Variants in XYLT1 observed in about 807,000 individuals in gnomAD.
XYLT1 encodes the protein beta-D-xylosyltransferase 1.
A neutral mutation model predicts 91.3 loss-of-function variants in XYLT1; 36 were observed. The observed-to-expected ratio is 0.39, with a 90% confidence interval of 0.30 to 0.52. XYLT1 has a LOEUF of 0.52. Among genes scored for constraint, XYLT1 ranks in the 20% least tolerant of loss-of-function variants. The probability of loss-of-function intolerance (pLI) is 0.68; values close to 1 mark genes in which losing one functional copy is unlikely to be tolerated. For synonymous variants in XYLT1, 588 were observed against 532.0 expected, an observed-to-expected ratio of 1.11 and a Z score of -1.45; for missense variants, 1,242 against 1,284.5, an observed-to-expected ratio of 0.97 and a Z score of 0.51.
At chr16:17,271,607 G>A (rs2033896000) in intron 2 of XYLT1, among the ~76,000 whole-genome samples, 1 of 152,182 alleles carries the variant, frequency 6.6e-6, no homozygotes, top group African/African-American at 2.4e-5. Flanking sequence ...TGTTTTAGGG[G>A]CTATCTTGTA....
chr16:17,309,575 G>A (rs558544559), intron 2 of XYLT1, among the ~76,000 whole-genome samples: 150 of 152,294 alleles, frequency 9.8e-4, no homozygotes, highest in Admixed American at 5.3e-3. Context: ...TGTTCCTAGA[G>A]TGTACTGTCT....
chr16:17,433,480 A>G (rs10400974), intron 1 of XYLT1, among the ~76,000 whole-genome samples: 10,328 of 152,292 alleles, frequency 0.068, 511 homozygotes, highest in African/African-American at 0.14. Context: ...AATGATCCAC[A>G]GTGTCTGCAG....
chr16:17,145,318 G>A (rs1038185563), intron 6 of XYLT1, among the ~76,000 whole-genome samples: 6 of 152,158 alleles, frequency 3.9e-5, no homozygotes, highest in African/African-American at 1.4e-4. Flanking sequence ...CCTCACCCTA[G>A]CACCAGGGGG....
intron 2 of XYLT1, among the ~76,000 whole-genome samples, chr16:17,353,200 C>T (rs1481814527): frequency 2.6e-5 from 4 of 152,198 alleles, no homozygotes; most frequent in African/African-American, 9.7e-5. Context: ...TAAACGAAGA[C>T]CTGCTTCCCT....
chr16:17,386,696 G>A (rs1214694454), intron 1 of XYLT1, among the ~76,000 whole-genome samples: 1 of 152,192 alleles, frequency 6.6e-6, no homozygotes, highest in African/African-American at 2.4e-5. Context: ...AGCCAGTTTA[G>A]AGCAGTAATC....
intron 3 of XYLT1, among the ~76,000 whole-genome samples, chr16:17,223,106 A>G (rs1033022903): frequency 6.6e-6 from 1 of 152,038 alleles, no homozygotes; most frequent in East Asian, 1.9e-4. Flanking sequence ...CAAGCCTTGA[A>G]TTGCAGGGAA....
intron 5 of XYLT1, among the ~76,000 whole-genome samples, chr16:17,159,942 C>G (rs914991905): frequency 2.6e-5 from 4 of 152,264 alleles, no homozygotes; most frequent in African/African-American, 9.6e-5. Context: ...CCAGCCTTCT[C>G]TGCTTCGGAA....
chr16:17,460,292 C>T (rs1265336340), intron 1 of XYLT1, among the ~76,000 whole-genome samples: 1 of 152,204 alleles, frequency 6.6e-6, no homozygotes, highest in Non-Finnish European at 1.5e-5. Flanking sequence ...GAGGCTGTCA[C>T]TCACACTCCC....
chr16:17,436,744 T>G (rs188650766), intron 1 of XYLT1, among the ~76,000 whole-genome samples: 2 of 152,240 alleles, frequency 1.3e-5, no homozygotes, highest in African/African-American at 2.4e-5. Context: ...GAGAATTACA[T>G]AACAGTTCAG....
chr16:17,198,452 C>T, intron 4 of XYLT1, 38 bp from the exon 5 acceptor site: 56 of 1,596,326 alleles, frequency 3.5e-5, no homozygotes, highest in Non-Finnish European at 4.8e-5. Context: ...CAGTCAGTGG[C>T]CTAGAAAATA....
chr16:17,415,714 C>T (rs2036172145), intron 1 of XYLT1, among the ~76,000 whole-genome samples: 1 of 151,910 alleles, frequency 6.6e-6, no homozygotes, highest in East Asian at 1.9e-4. Flanking sequence ...AAAAAACCCA[C>T]AGAAATAAAT....
intron 2 of XYLT1, among the ~76,000 whole-genome samples, chr16:17,344,107 C>T (rs2035105861): frequency 6.6e-6 from 1 of 152,072 alleles, no homozygotes. Flanking sequence ...TGTGAGACAA[C>T]TGGAGGAGGG....
rs1331395529 is a variant in XYLT1, at chr16:17,107,138, G to C, written c.*1557C>G. The C allele has an allele frequency of 6.6e-6, 1 of 152,072 alleles. No homozygotes were observed. The highest frequency in any genetic ancestry group is 1.5e-5 in the Non-Finnish European group (1 of 68,022). The allele number at this position is 152,072 out of a possible 1,614,324, so 9.4% of individuals were successfully genotyped here. On this transcript the variant is annotated 3_prime_UTR_variant, in exon 12 of 12. Transcript: ENST00000261381. ...AATATCTAAAGTGTCCCTTCTCTACGTCCTCCATTGCCAACAGGACACCCT... is the reference window on the plus strand; with the variant it reads ...AATATCTAAAGTGTCCCTTCTCTACCTCCTCCATTGCCAACAGGACACCCT...
intron 2 of XYLT1, among the ~76,000 whole-genome samples, chr16:17,322,514 C>G (rs2034739829): frequency 6.6e-6 from 1 of 152,152 alleles, no homozygotes; most frequent in African/African-American, 2.4e-5. Context: ...CTGGCTCACT[C>G]CCACCATACT....
chr16:17,178,961 C>A (rs1281343836), intron 5 of XYLT1, among the ~76,000 whole-genome samples: 1 of 151,758 alleles, frequency 6.6e-6, no homozygotes, highest in Non-Finnish European at 1.5e-5. Flanking sequence ...CCCAGCTACT[C>A]AGGAGGCTGA....
At chr16:17,129,535 G>C (rs947474376) in intron 9 of XYLT1, among the ~76,000 whole-genome samples, 2 of 152,254 alleles carry the variant, frequency 1.3e-5, no homozygotes, top group East Asian at 3.9e-4. Flanking sequence ...CAAAGTGCTG[G>C]GATTACAGGT....
intron 2 of XYLT1, among the ~76,000 whole-genome samples, chr16:17,295,621 C>T (rs926696223): frequency 1.3e-5 from 2 of 152,118 alleles, no homozygotes; most frequent in Non-Finnish European, 2.9e-5. Flanking sequence ...CTCCCAAAGT[C>T]CTGGGATTAT....
At chr16:17,156,311 A>T (rs1344736386) in intron 6 of XYLT1, among the ~76,000 whole-genome samples, 1 of 152,246 alleles carries the variant, frequency 6.6e-6, no homozygotes, top group Non-Finnish European at 1.5e-5. Flanking sequence ...ACTAGGGTGG[A>T]TGTAATTCAC....
intron 1 of XYLT1, among the ~76,000 whole-genome samples, chr16:17,384,408 C>T (rs1461865157): frequency 6.6e-6 from 1 of 151,854 alleles, no homozygotes; most frequent in African/African-American, 2.4e-5. Context: ...ACCCACTGAT[C>T]ACCTCCCTAG....
Sources: allele counts gnomAD v4.1 joint callset (sites outside exome capture counted in the v4.1 genomes callset), GRCh38; gene constraint gnomAD v4.1.1; transcripts MANE v1.5; gene names NCBI Gene and HGNC (gene_info 2026-07-23, HGNC 2026-07-21).